SLC9B1: variants seen among roughly 807,000 people sequenced by gnomAD.
SLC9B1 encodes sodium/hydrogen exchanger 9B1.
In SLC9B1, 32 loss-of-function variants were observed where a neutral mutation model predicts 51.7. That is an observed-to-expected ratio of 0.62 (90% CI 0.47 to 0.83). The LOEUF (loss-of-function observed/expected upper bound fraction) is 0.83. Among genes scored for constraint, SLC9B1 ranks in the 40% least tolerant of loss-of-function variants. The pLI, the probability that SLC9B1 is intolerant of heterozygous loss-of-function variation, is 0.00. For synonymous variants in SLC9B1, 145 were observed against 212.7 expected, an observed-to-expected ratio of 0.68 and a Z score of 2.77; for missense variants, 406 against 613.2, an observed-to-expected ratio of 0.66 and a Z score of 3.57.
intron 3 of SLC9B1, among the ~76,000 whole-genome samples, chr4:102,977,564 T>C (rs1250252716): frequency 5.9e-5 from 9 of 152,182 alleles, no homozygotes; most frequent in Admixed American, 5.9e-4. Flanking sequence ...TAATGTTACT[T>C]CAGGAGAGCA....
At chr4:103,017,047 C>T (rs1202990641) in intron 1 of SLC9B1, 1 of 152,178 alleles carries the variant, frequency 6.6e-6, no homozygotes, top group Non-Finnish European at 1.5e-5. Flanking sequence ...GCCCTGGCTG[C>T]TCCTTTTTCT....
downstream of SLC9B1, among the ~76,000 whole-genome samples, chr4:102,896,247 G>A (rs759998171): frequency 5.9e-5 from 9 of 151,834 alleles, no homozygotes; most frequent in Non-Finnish European, 1.3e-4. Flanking sequence ...CTGAGTGGTG[G>A]CCCCCTTGCC....
intron 8 of SLC9B1, 130 bp from the exon 9 acceptor site, chr4:102,910,718 T>A (rs185658875): frequency 2.3e-6 from 1 of 433,270 alleles, no homozygotes; most frequent in East Asian, 5.8e-5. Context: ...TCTAAAATTT[T>A]GATTTTCTTT....
chr4:102,901,336 C>A lies in SLC9B1; in HGVS notation c.1333-4G>T, dbSNP rs4444831. The A allele has an allele frequency of 1.3e-4, 192 of 1,494,612 alleles. No individual in the cohort carries two copies. The highest frequency in any genetic ancestry group is 2.9e-4 in the Admixed American group (16 of 56,030). 92.6% of individuals were successfully genotyped at this position (1,494,612 alleles called of 1,614,324 possible). A position where few individuals can be genotyped will look rare whatever the true frequency, so the allele number is the denominator to read the frequency against. On this transcript the variant is annotated splice_region_variant and splice_polypyrimidine_tract_variant and intron_variant, in intron 11 of 11. Coordinates refer to ENST00000296422, the MANE Select transcript of SLC9B1 (RefSeq NM_139173.4). Reference sequence around the variant, plus strand: ...GAGCCAGAGGACCTAACACAGCCTGCATTTAGGGGTAAAAATGGGGCATAA... The same window carrying A: ...GAGCCAGAGGACCTAACACAGCCTGAATTTAGGGGTAAAAATGGGGCATAA...
At chr4:102,973,514 C>A (rs1738870678) in intron 3 of SLC9B1, among the ~76,000 whole-genome samples, 1 of 152,006 alleles carries the variant, frequency 6.6e-6, no homozygotes, top group Non-Finnish European at 1.5e-5. Context: ...CAGATTTTAA[C>A]CACCGTATTA....
At chr4:102,932,059 C>G in intron 7 of SLC9B1, 65 bp downstream of exon 7, 1 of 1,485,208 alleles carries the variant, frequency 6.7e-7, no homozygotes, top group South Asian at 1.2e-5. Context: ...AGCCAGAAAC[C>G]CTGTTTAAAG....
At chr4:102,945,360 G>A in intron 5 of SLC9B1, 40 bp from the exon 6 acceptor site, 3 of 1,474,114 alleles carry the variant, frequency 2.0e-6, no homozygotes, top group Non-Finnish European at 2.7e-6. Flanking sequence ...CATTTACAAT[G>A]GCCAACAAGA....
In SLC9B1 at chr4:102,981,658, G is replaced by A. The variant is rs184102173; in HGVS notation, c.211+8142C>T. The stretch of plus-strand genomic sequence containing the variant: ...ACTTGCCATCTGTATATCTTATTTC[G>A]TGAGGTTCCTGTTGCAGTGTTGTGT... On this transcript the variant is annotated intron_variant, in intron 3 of 11. Transcript: ENST00000296422. Among the ~76,000 whole-genome samples the A allele has an allele frequency of 4.6e-5, 7 of 152,176 alleles. No individual in the cohort carries two copies. In the East Asian group the frequency reaches 5.8e-4, roughly 13 times the overall value.
intron 1 of SLC9B1, among the ~76,000 whole-genome samples, chr4:103,007,163 T>C (rs1039245026): frequency 7.9e-5 from 12 of 152,102 alleles, no homozygotes; most frequent in African/African-American, 2.7e-4. Context: ...GGCATCCAAG[T>C]AGGAAGAGAG....
intron 3 of SLC9B1, among the ~76,000 whole-genome samples, chr4:102,966,102 C>T (rs536822601): frequency 1.3e-5 from 2 of 152,334 alleles, no homozygotes; most frequent in Non-Finnish European, 2.9e-5. Flanking sequence ...CTTTTCCAGG[C>T]TGAGGTTGTA....
At chr4:102,960,480 A>T (rs1222600088) in intron 3 of SLC9B1, among the ~76,000 whole-genome samples, 1 of 152,086 alleles carries the variant, frequency 6.6e-6, no homozygotes, top group East Asian at 1.9e-4. Flanking sequence ...TTTATATTTT[A>T]AAATAGCAAA....
intron 11 of SLC9B1, among the ~76,000 whole-genome samples, chr4:102,905,233 A>ATTTATTTATTTATTTTTTTT (rs569004930): frequency 1.3e-5 from 2 of 149,466 alleles, no homozygotes; most frequent in Non-Finnish European, 3.0e-5. Context: ...TTATTTATTT[A>ATTTATTTATTTATTTTTTTT]TTTTTTTGAG....
downstream of SLC9B1, chr4:102,898,120 T>C: frequency 4.0e-6 from 2 of 498,592 alleles, no homozygotes; most frequent in South Asian, 1.5e-5. Context: ...CTTCATATGC[T>C]TGAATCTCCA....
At chr4:102,998,728 TAG>T (rs1450007316) in intron 1 of SLC9B1, among the ~76,000 whole-genome samples, 2 of 152,180 alleles carry the variant, frequency 1.3e-5, no homozygotes, top group African/African-American at 4.8e-5. Flanking sequence ...GCCATCCCAA[TAG>T]GTGTGAATGG....
intron 6 of SLC9B1, among the ~76,000 whole-genome samples, chr4:102,939,248 G>C (rs1399101855): frequency 6.6e-6 from 1 of 151,400 alleles, no homozygotes; most frequent in African/African-American, 2.4e-5. Flanking sequence ...CAGAGACTAC[G>C]ATGAACATCT....
chr4:102,932,153 T>C lies in SLC9B1; in HGVS notation c.800A>G (p.Asn267Ser), dbSNP rs528764923. 3 of 1,611,988 alleles carry C rather than the reference T, an allele frequency of 1.9e-6. No individual in the cohort carries two copies. In the South Asian group the frequency reaches 3.3e-5, roughly 18 times the overall value. ...MDDILAITGFNTCLSIVFSSG... is the reference protein window; with the variant it reads ...MDDILAITGFSTCLSIVFSSG... Reference sequence around the variant, plus strand: ...GGAAAAGACTATGCTCAAGCATGTATTGAATCCAGTGATAGCCAGAATGTC... The same window carrying C: ...GGAAAAGACTATGCTCAAGCATGTACTGAATCCAGTGATAGCCAGAATGTC... Residue 267 changes from asparagine (N) to serine (S), a missense_variant, in exon 7 of 12, where the codon AAT (asparagine) becomes AGT (serine). By Grantham distance (46) the Asn-to-Ser change is conservative (BLOSUM62 1). Transcript: ENST00000296422.
chr4:102,927,332 C>A (rs1397678978), intron 7 of SLC9B1, among the ~76,000 whole-genome samples: 1 of 151,806 alleles, frequency 6.6e-6, no homozygotes, highest in Non-Finnish European at 1.5e-5. Context: ...GAATGGGAGA[C>A]AAATTGCGAT....
chr4:102,954,682 A>T (rs1211194894), intron 3 of SLC9B1, among the ~76,000 whole-genome samples: 1 of 152,042 alleles, frequency 6.6e-6, no homozygotes, highest in East Asian at 1.9e-4. Context: ...TACATTTAAG[A>T]ACATATGCCA....
chr4:102,921,319 T>C (rs1442072955), intron 7 of SLC9B1, among the ~76,000 whole-genome samples: 2 of 152,162 alleles, frequency 1.3e-5, no homozygotes, highest in Non-Finnish European at 2.9e-5. Flanking sequence ...CTAAGCTTCA[T>C]AAGTGAAGGA....
Sources: gnomAD v4.1 joint callset for allele counts (sites outside exome capture counted in the v4.1 genomes callset) on GRCh38, gnomAD v4.1.1 for gene constraint, MANE v1.5 for transcripts, NCBI Gene and HGNC (gene_info 2026-07-23, HGNC 2026-07-21) for gene names.